The following MOB3B variants were observed in gnomAD, a reference collection of about 807,000 sequenced individuals.
MOB3B encodes MOB kinase activator-like 2B.
A neutral mutation model predicts 18.7 loss-of-function variants in MOB3B; 7 were observed. That is an observed-to-expected ratio of 0.37 (90% CI 0.21 to 0.70). MOB3B has a LOEUF of 0.70. Ranked by LOEUF, MOB3B falls within the 30% of genes least tolerant of loss-of-function variation. MOB3B has a pLI of 0.52. For missense variants in MOB3B, 253 were observed against 281.3 expected (o/e 0.90, Z 0.72); for synonymous variants, 111 against 99.9 (o/e 1.11, Z -0.66).
At chr9:27,335,851 C>T (rs146827415) in intron 3 of MOB3B, among the ~76,000 whole-genome samples, 5 of 152,274 alleles carry the variant, frequency 3.3e-5, no homozygotes, top group African/African-American at 9.6e-5. Context: ...GTTGTGCGAC[C>T]GTTTATCACA....
At chr9:27,333,514 T>G (rs900792930) in intron 3 of MOB3B, among the ~76,000 whole-genome samples, 5 of 152,180 alleles carry the variant, frequency 3.3e-5, no homozygotes, top group Admixed American at 6.5e-5. Flanking sequence ...ACAATGAATT[T>G]GCCATTGCTG....
At chr9:27,468,349 A>G (rs1368696217) in intron 1 of MOB3B, among the ~76,000 whole-genome samples, 1 of 152,190 alleles carries the variant, frequency 6.6e-6, no homozygotes, top group Admixed American at 6.5e-5. Flanking sequence ...CTGTCTGGGA[A>G]CATGATTATC....
At chr9:27,371,142 C>A (rs1004441270) in intron 2 of MOB3B, among the ~76,000 whole-genome samples, 7 of 152,102 alleles carry the variant, frequency 4.6e-5, no homozygotes, top group Non-Finnish European at 1.0e-4. Flanking sequence ...TTAAAGTTTG[C>A]AATAAGCCAG....
chr9:27,415,418 C>CT (rs61328557), intron 2 of MOB3B, among the ~76,000 whole-genome samples: 53,067 of 147,840 alleles, frequency 0.36, 10,134 homozygotes, highest in East Asian at 0.79. Flanking sequence ...GAACTATGTA[C>CT]TTTTTTTTTT....
At chr9:27,349,380 T>C (rs1836628746) in intron 3 of MOB3B, among the ~76,000 whole-genome samples, 1 of 152,222 alleles carries the variant, frequency 6.6e-6, no homozygotes, top group Non-Finnish European at 1.5e-5. Flanking sequence ...TATAATGTTA[T>C]GTTTCAATAA....
At chr9:27,442,948 G>A (rs1234470778) in intron 2 of MOB3B, among the ~76,000 whole-genome samples, 1 of 152,104 alleles carries the variant, frequency 6.6e-6, no homozygotes, top group Non-Finnish European at 1.5e-5. Context: ...ATAAGTGTTA[G>A]TATCATTATT....
intron 2 of MOB3B, among the ~76,000 whole-genome samples, chr9:27,368,575 G>A (rs1045223016): frequency 9.9e-5 from 15 of 152,246 alleles, no homozygotes; most frequent in African/African-American, 3.6e-4. Flanking sequence ...TAAAAAAAGA[G>A]AAAACAAAGT....
intron 2 of MOB3B, among the ~76,000 whole-genome samples, chr9:27,393,749 G>A (rs1175845348): frequency 6.6e-6 from 1 of 152,124 alleles, no homozygotes; most frequent in Non-Finnish European, 1.5e-5. Flanking sequence ...CTTTCCAGAT[G>A]AAGAAACCAA....
intron 3 of MOB3B, among the ~76,000 whole-genome samples, chr9:27,344,978 G>A (rs1226705593): frequency 1.3e-5 from 2 of 152,264 alleles, no homozygotes; most frequent in African/African-American, 2.4e-5. Context: ...CACTGGTCGT[G>A]TCAAGTGAAG....
At chr9:27,351,351 G>A (rs1821103581) in intron 3 of MOB3B, among the ~76,000 whole-genome samples, 1 of 115,746 alleles carries the variant, frequency 8.6e-6, no homozygotes, top group South Asian at 2.5e-4. Context: ...ATCTCTGTAG[G>A]TCAGGCTGGG....
chr9:27,348,390 C>T (rs750356853), intron 3 of MOB3B, among the ~76,000 whole-genome samples: 2 of 152,168 alleles, frequency 1.3e-5, no homozygotes, highest in Non-Finnish European at 2.9e-5. Flanking sequence ...TGGTGGCTCA[C>T]ACCTGTAATC....
chr9:27,424,675 G>A (rs1822301198), intron 2 of MOB3B, among the ~76,000 whole-genome samples: 1 of 152,168 alleles, frequency 6.6e-6, no homozygotes, highest in African/African-American at 2.4e-5. Flanking sequence ...AAGGGCAAAT[G>A]CTGATGGTGA....
chr9:27,395,988 A>G (rs1390180666), intron 2 of MOB3B, among the ~76,000 whole-genome samples: 1 of 151,972 alleles, frequency 6.6e-6, no homozygotes, highest in Non-Finnish European at 1.5e-5. Flanking sequence ...ACTGGCTGGG[A>G]GCTTTGAGGA....
chr9:27,382,746 G>A (rs1821596951), intron 2 of MOB3B, among the ~76,000 whole-genome samples: 1 of 149,114 alleles, frequency 6.7e-6, no homozygotes, highest in East Asian at 2.1e-4. Context: ...ATCCATCCAG[G>A]GGCCACTTGC....
chr9:27,509,890 A>G (rs1158308661), intron 1 of MOB3B, among the ~76,000 whole-genome samples: 1 of 152,052 alleles, frequency 6.6e-6, no homozygotes, highest in Non-Finnish European at 1.5e-5. Flanking sequence ...GCGTCCGGCT[A>G]ATTTTTGTAT....
intron 1 of MOB3B, among the ~76,000 whole-genome samples, chr9:27,507,072 G>A (rs532576089): frequency 1.3e-4 from 20 of 152,234 alleles, no homozygotes; most frequent in African/African-American, 4.8e-4. Context: ...TACTGTGACT[G>A]ATACCATTTG....
At chr9:27,395,156 A>G (rs1821780951) in intron 2 of MOB3B, among the ~76,000 whole-genome samples, 1 of 152,218 alleles carries the variant, frequency 6.6e-6, no homozygotes, top group Admixed American at 6.5e-5. Context: ...GCATCAAAAG[A>G]CCGCTGAAGC....
intron 2 of MOB3B, among the ~76,000 whole-genome samples, chr9:27,363,288 T>G (rs1421021063): frequency 6.6e-6 from 1 of 152,120 alleles, no homozygotes; most frequent in Non-Finnish European, 1.5e-5. Context: ...GTTTTTGTGT[T>G]TTTTTGAGAT....
chr9:27,361,800 A>T (rs7849699), intron 2 of MOB3B, among the ~76,000 whole-genome samples: 27,507 of 152,166 alleles, frequency 0.18, 4,284 homozygotes, highest in African/African-American at 0.42. Context: ...AGCACTGCTC[A>T]CGGGCTCTGC....
Sources: gnomAD v4.1 joint callset for allele counts (sites outside exome capture counted in the v4.1 genomes callset) on GRCh38, gnomAD v4.1.1 for gene constraint, MANE v1.5 for transcripts, NCBI Gene and HGNC (gene_info 2026-07-23, HGNC 2026-07-21) for gene names.